Variants in CTNNA3 observed in about 807,000 individuals in gnomAD.
CTNNA3 encodes catenin alpha 3, also known as catenin alpha-3.
Under a neutral mutation model 95.7 loss-of-function variants are expected in CTNNA3, and 76 were observed. That is an observed-to-expected ratio of 0.79 (90% CI 0.66 to 0.96). The LOEUF (loss-of-function observed/expected upper bound fraction) is 0.96. Ranked by LOEUF, CTNNA3 falls within the 40% of genes least tolerant of loss-of-function variation. The pLI, the probability that CTNNA3 is intolerant of heterozygous loss-of-function variation, is 0.00. For missense variants in CTNNA3, 1,191 were observed against 1,089.8 expected (o/e 1.09, Z -1.31); for synonymous variants, 431 against 374.4 (o/e 1.15, Z -1.74).
intron 5 of CTNNA3, among the ~76,000 whole-genome samples, chr10:67,284,337 T>C (rs1486365663): frequency 1.3e-5 from 2 of 152,130 alleles, no homozygotes; most frequent in East Asian, 3.9e-4. Context: ...CATTTAGGAG[T>C]GAATTGATTT....
intron 7 of CTNNA3, among the ~76,000 whole-genome samples, chr10:66,893,006 T>C (rs1845332348): frequency 6.6e-6 from 1 of 152,108 alleles, no homozygotes; most frequent in South Asian, 2.1e-4. Context: ...CACTTGCAAA[T>C]CCCCTCAACT....
chr10:66,505,790 CACTT>C (rs1212861711), intron 11 of CTNNA3, among the ~76,000 whole-genome samples: 1 of 152,112 alleles, frequency 6.6e-6, no homozygotes, highest in South Asian at 2.1e-4. Context: ...AGCACTACAT[CACTT>C]ACTTCTACAA....
intron 13 of CTNNA3, among the ~76,000 whole-genome samples, chr10:66,187,182 C>T (rs904286702): frequency 6.6e-6 from 1 of 152,102 alleles, no homozygotes; most frequent in Non-Finnish European, 1.5e-5. Context: ...GAAAATCCCA[C>T]GTGCAAAACT....
chr10:66,720,379 T>A (rs147130067), intron 9 of CTNNA3, among the ~76,000 whole-genome samples: 75 of 152,298 alleles, frequency 4.9e-4, no homozygotes, highest in Admixed American at 2.4e-3. Flanking sequence ...TTTAGAAAGA[T>A]AAGGTCAACT....
At chr10:67,610,672 T>G (rs1195823570) in intron 2 of CTNNA3, among the ~76,000 whole-genome samples, 1 of 152,236 alleles carries the variant, frequency 6.6e-6, no homozygotes, top group Non-Finnish European at 1.5e-5. Context: ...CAGCAACCAG[T>G]AAAATTAGCT....
Position 67,489,918 on chromosome 10 carries a change from T to C in CTNNA3, c.579+31924A>G, listed in dbSNP as rs77888998. 0.024 allele frequency among the ~76,000 whole-genome samples: 3,659 copies of C among 152,126 alleles called. 273 individuals are homozygous for C. The East Asian group carries it at 0.27, about 11-fold the overall frequency. On this transcript the variant is annotated intron_variant, in intron 5 of 17. Transcript: ENST00000433211. ...AGATAAAGTTGCTTTGGGTTCCACA[T>C]TTAAGTGAGATCATGTAATATTTGT...
chr10:66,604,350 C>T (rs973163724), intron 10 of CTNNA3, among the ~76,000 whole-genome samples: 6 of 152,120 alleles, frequency 3.9e-5, no homozygotes, highest in Non-Finnish European at 7.4e-5. Flanking sequence ...AGGGGCCCCC[C>T]GTTCCCCTGA....
intron 13 of CTNNA3, among the ~76,000 whole-genome samples, chr10:66,178,397 GTGTA>G (rs1435705013): frequency 1.2e-5 from 1 of 81,240 alleles, no homozygotes; most frequent in East Asian, 3.3e-4. Context: ...AACCTTGAAA[GTGTA>G]TATATATATA....
chr10:66,215,956 G>A (rs2088503150), intron 13 of CTNNA3, among the ~76,000 whole-genome samples: 1 of 152,170 alleles, frequency 6.6e-6, no homozygotes, highest in Admixed American at 6.5e-5. Flanking sequence ...AGAAAGCAAA[G>A]GAAGGCAAAC....
chr10:67,044,887 C>T (rs900099457), intron 7 of CTNNA3, among the ~76,000 whole-genome samples: 1 of 152,158 alleles, frequency 6.6e-6, no homozygotes, highest in African/African-American at 2.4e-5. Flanking sequence ...AAGTTTCTTA[C>T]CTTCTTAGCG....
chr10:67,411,020 T>G (rs576089845), intron 5 of CTNNA3, among the ~76,000 whole-genome samples: 1 of 151,778 alleles, frequency 6.6e-6, no homozygotes, highest in African/African-American at 2.4e-5. Context: ...AGAAGCAGAG[T>G]AAAAATAGTG....
chr10:67,525,415 A>G (rs935417454), intron 4 of CTNNA3, among the ~76,000 whole-genome samples: 7 of 152,218 alleles, frequency 4.6e-5, no homozygotes, highest in African/African-American at 1.7e-4. Flanking sequence ...CTCATCTCAC[A>G]TTAAAATAGC....
chr10:67,556,572 T>G (rs1841264244), intron 3 of CTNNA3, among the ~76,000 whole-genome samples: 1 of 152,246 alleles, frequency 6.6e-6, no homozygotes, highest in African/African-American at 2.4e-5. Flanking sequence ...CTGATGGTAC[T>G]TTGTATCTCT....
At chr10:66,116,432 A>G (rs1400613256) in intron 13 of CTNNA3, among the ~76,000 whole-genome samples, 1 of 152,212 alleles carries the variant, frequency 6.6e-6, no homozygotes, top group Non-Finnish European at 1.5e-5. Flanking sequence ...GTATACAAAT[A>G]TTTATAGCAG....
chr10:66,719,557 G>A (rs1237800899), intron 9 of CTNNA3, among the ~76,000 whole-genome samples: 1 of 152,092 alleles, frequency 6.6e-6, no homozygotes, highest in East Asian at 1.9e-4. Context: ...TTCTGCACAT[G>A]GGGCATCAAG....
At chr10:67,425,501 C>G (rs542575699) in intron 5 of CTNNA3, among the ~76,000 whole-genome samples, 2 of 152,098 alleles carry the variant, frequency 1.3e-5, no homozygotes, top group South Asian at 4.2e-4. Context: ...AACTGGAATG[C>G]TTTTTCTCTT....
chr10:67,646,186 CT>C (rs57780349), intron 2 of CTNNA3, among the ~76,000 whole-genome samples: 19,169 of 134,478 alleles, frequency 0.14, 2,184 homozygotes, highest in African/African-American at 0.33. Flanking sequence ...GTTTTTCTTT[CT>C]TTTTTTTTTT....
intron 15 of CTNNA3, among the ~76,000 whole-genome samples, chr10:66,007,184 AT>A (rs1417177720): frequency 1.1e-4 from 17 of 152,320 alleles, no homozygotes; most frequent in African/African-American, 4.1e-4. Flanking sequence ...GCTGCTCTCA[AT>A]TGATTTACAT....
At chr10:66,339,511 T>G (rs1442684289) in intron 12 of CTNNA3, among the ~76,000 whole-genome samples, 1 of 151,684 alleles carries the variant, frequency 6.6e-6, no homozygotes, top group Non-Finnish European at 1.5e-5. Context: ...AATAAACAAT[T>G]ATAAGCTAAA....
Sources: allele counts gnomAD v4.1 joint callset (sites outside exome capture counted in the v4.1 genomes callset), GRCh38; gene constraint gnomAD v4.1.1; transcripts MANE v1.5; gene names NCBI Gene and HGNC (gene_info 2026-07-23, HGNC 2026-07-21).